The following NLGN1 variants were observed in gnomAD, a reference collection of about 807,000 sequenced individuals.
The protein encoded by NLGN1 is neuroligin 1.
Under a neutral mutation model 65.5 loss-of-function variants are expected in NLGN1, and 12 were observed. The ratio of observed to expected loss-of-function variants is 0.18; its 90% CI spans 0.12 to 0.30. The LOEUF is 0.30. Ranked by LOEUF, NLGN1 falls within the 10% of genes least tolerant of loss-of-function variation. NLGN1 has a pLI of 1.00. For missense variants in NLGN1, 750 were observed against 1,007.1 expected (o/e 0.74, Z 3.46); for synonymous variants, 350 against 359.5 (o/e 0.97, Z 0.30).
At chr3:173,719,188 A>C (rs1157242429) in intron 3 of NLGN1, among the ~76,000 whole-genome samples, 1 of 152,198 alleles carries the variant, frequency 6.6e-6, no homozygotes, top group Non-Finnish European at 1.5e-5. Flanking sequence ...TGGATCAATC[A>C]GTTAGTGTTA....
chr3:173,698,608 A>G (rs181286269), intron 3 of NLGN1, among the ~76,000 whole-genome samples: 77 of 152,332 alleles, frequency 5.1e-4, no homozygotes, highest in Middle Eastern at 3.4e-3. Flanking sequence ...CGTGGAATAT[A>G]CAAAAAAATT....
chr3:173,958,311 A>T (rs1428620821), intron 4 of NLGN1, among the ~76,000 whole-genome samples: 1 of 152,196 alleles, frequency 6.6e-6, no homozygotes, highest in African/African-American at 2.4e-5. Flanking sequence ...AGCAAGGTAA[A>T]GAGGAGCTTT....
At chr3:173,973,458 G>A (rs1258428124) in intron 4 of NLGN1, among the ~76,000 whole-genome samples, 2 of 152,102 alleles carry the variant, frequency 1.3e-5, no homozygotes, top group Non-Finnish European at 1.5e-5. Flanking sequence ...GCAAAGTAAT[G>A]TGTGCAGGGA....
At chr3:174,244,091 C>G (rs998566207) in intron 4 of NLGN1, among the ~76,000 whole-genome samples, 2 of 152,102 alleles carry the variant, frequency 1.3e-5, no homozygotes, top group African/African-American at 2.4e-5. Context: ...CTTTTCTTTC[C>G]TAATAAAATA....
intron 4 of NLGN1, among the ~76,000 whole-genome samples, chr3:173,912,090 A>G (rs1056227320): frequency 6.6e-6 from 1 of 152,158 alleles, no homozygotes; most frequent in Non-Finnish European, 1.5e-5. Flanking sequence ...CCTGCATATA[A>G]TTTTTTCAAA....
exon 7 of NLGN1, chr3:174,281,528 T>C: frequency 2.4e-6 from 1 of 424,328 alleles, no homozygotes; most frequent in Non-Finnish European, 4.2e-6. Flanking sequence ...GAATGATACT[T>C]TTTCATTCAC....
At chr3:173,492,535 G>T (rs920025746) in intron 2 of NLGN1, among the ~76,000 whole-genome samples, 4 of 151,738 alleles carry the variant, frequency 2.6e-5, no homozygotes, top group Non-Finnish European at 5.9e-5. Flanking sequence ...TATATATTTG[G>T]ATATTTTCTA....
chr3:174,175,980 G>C (rs950355651), intron 4 of NLGN1, among the ~76,000 whole-genome samples: 1 of 151,724 alleles, frequency 6.6e-6, no homozygotes, highest in African/African-American at 2.4e-5. Context: ...ACCACAAAGA[G>C]CATATGTTTT....
chr3:173,616,956 C>T (rs942009955), intron 3 of NLGN1, among the ~76,000 whole-genome samples: 1 of 152,108 alleles, frequency 6.6e-6, no homozygotes, highest in Non-Finnish European at 1.5e-5. Flanking sequence ...CGTAGTAACT[C>T]TTGTCTGCCG....
intron 1 of NLGN1, among the ~76,000 whole-genome samples, chr3:173,423,711 C>T (rs1269006306): frequency 6.6e-6 from 1 of 152,156 alleles, no homozygotes; most frequent in Non-Finnish European, 1.5e-5. Flanking sequence ...CTGCAGGGTA[C>T]AACCCCTGTG....
chr3:173,435,716 T>C (rs919518700), intron 2 of NLGN1, among the ~76,000 whole-genome samples: 5 of 152,034 alleles, frequency 3.3e-5, no homozygotes, highest in Non-Finnish European at 5.9e-5. Flanking sequence ...ACGCCTGTAG[T>C]CCCAGCTACT....
intron 2 of NLGN1, among the ~76,000 whole-genome samples, chr3:173,600,223 A>G (rs999044535): frequency 6.6e-6 from 1 of 151,782 alleles, no homozygotes; most frequent in East Asian, 1.9e-4. Flanking sequence ...ACACACACAC[A>G]CACGTGTATG....
intron 4 of NLGN1, among the ~76,000 whole-genome samples, chr3:174,232,279 G>T (rs955077773): frequency 1.3e-4 from 20 of 152,282 alleles, no homozygotes; most frequent in African/African-American, 4.8e-4. Context: ...GCCAGGAGAA[G>T]GAATTTCACA....
chr3:173,448,895 G>A (rs1458597688), intron 2 of NLGN1, among the ~76,000 whole-genome samples: 1 of 152,114 alleles, frequency 6.6e-6, no homozygotes, highest in African/African-American at 2.4e-5. Context: ...ATTTCTGTGG[G>A]ATCAGTGGTG....
chr3:173,774,989 G>A (rs549480921), intron 3 of NLGN1, among the ~76,000 whole-genome samples: 1 of 152,152 alleles, frequency 6.6e-6, no homozygotes, highest in African/African-American at 2.4e-5. Context: ...CATTATAATT[G>A]AATCTTCTTC....
rs55796652 is a variant in NLGN1, at chr3:173,495,561, G to A, written c.-321+60483G>A. Reference sequence around the variant, plus strand: ...CATCATTACCTTTGTCTTAATTTTAGGAGGAGAATTACATTCAATATTTGA... The same window carrying A: ...CATCATTACCTTTGTCTTAATTTTAAGAGGAGAATTACATTCAATATTTGA... On this transcript the variant is annotated intron_variant, in intron 2 of 6. Transcript: ENST00000457714. 6.3e-3 allele frequency among the ~76,000 whole-genome samples: 854 copies of A among 135,066 alleles called. 26 individuals are homozygous for A. The highest frequency in any genetic ancestry group is 0.021 in the African/African-American group (804 of 38,650). 88.6% of individuals were successfully genotyped at this position (135,066 alleles called of 152,430 possible). A position where few individuals can be genotyped will look rare whatever the true frequency, so the allele number is the denominator to read the frequency against.
chr3:174,056,918 ATT>A, intron 4 of NLGN1, among the ~76,000 whole-genome samples: 1 of 151,266 alleles, frequency 6.6e-6, no homozygotes, highest in East Asian at 2.0e-4. Context: ...ATATATATAT[ATT>A]TTTTTTCATT....
At chr3:173,667,584 A>G (rs80117903) in intron 3 of NLGN1, among the ~76,000 whole-genome samples, 509 of 152,234 alleles carry the variant, frequency 3.3e-3, no homozygotes, top group African/African-American at 0.012. Flanking sequence ...TTTCTGTACC[A>G]GGATTCTATA....
At position 174,090,332 on chromosome 3, in the gene NLGN1, G is replaced by A. The variant is rs150236545; in HGVS notation, c.647-184983G>A. On this transcript the variant is annotated intron_variant, in intron 4 of 6. Transcript: ENST00000457714. ...TTAAAAATACAAAAAAAATAGCCTG[G>A]CGTGGTGGCAGGTGCCTGTAATCCC... Among the ~76,000 whole-genome samples, 700 of 152,124 alleles carry A rather than the reference G, an allele frequency of 4.6e-3. 7 individuals are homozygous for A. The highest frequency in any genetic ancestry group is 0.016 in the African/African-American group (647 of 41,506).
Sources: allele counts gnomAD v4.1 joint callset (sites outside exome capture counted in the v4.1 genomes callset), GRCh38; gene constraint gnomAD v4.1.1; transcripts MANE v1.5; gene names NCBI Gene and HGNC (gene_info 2026-07-23, HGNC 2026-07-21).